The following CDC14A variants were observed in gnomAD, a reference collection of about 807,000 sequenced individuals.
CDC14A encodes dual specificity protein phosphatase CDC14A.
CDC14A carries 53 observed loss-of-function variants against 74.4 expected under a neutral mutation model. The observed-to-expected ratio is 0.71, with a 90% CI of 0.57 to 0.89. The LOEUF is 0.89. CDC14A is among the 40% of genes least tolerant of loss of function. CDC14A has a pLI of 0.00. For missense variants in CDC14A, 646 were observed against 713.7 expected (o/e 0.91, Z 1.08); for synonymous variants, 247 against 258.4 (o/e 0.96, Z 0.43).
intron 5 of CDC14A, among the ~76,000 whole-genome samples, chr1:100,430,249 TATTTTA>T (rs1663495321): frequency 1.3e-5 from 2 of 152,186 alleles, no homozygotes; most frequent in Non-Finnish European, 2.9e-5. Context: ...CAAATCATGG[TATTTTA>T]TTTAATGTGA....
chr1:100,439,005 C>G (rs754598105), intron 5 of CDC14A, among the ~76,000 whole-genome samples: 10 of 152,190 alleles, frequency 6.6e-5, no homozygotes, highest in Non-Finnish European at 1.5e-4. Flanking sequence ...TTTCCTACCT[C>G]GGACACCTTG....
At chr1:100,476,117 T>C (rs1328129244) in intron 10 of CDC14A, among the ~76,000 whole-genome samples, 2 of 152,150 alleles carry the variant, frequency 1.3e-5, no homozygotes, top group Non-Finnish European at 1.5e-5. Context: ...CTTTTCCTGT[T>C]CCTTTGACTA....
chr1:100,387,870 C>T (rs1420828620), intron 3 of CDC14A, among the ~76,000 whole-genome samples: 1 of 152,100 alleles, frequency 6.6e-6, no homozygotes, highest in Non-Finnish European at 1.5e-5. Flanking sequence ...CCCCCAACCC[C>T]CTCCAAAAAA....
chr1:100,462,950 A>G lies in CDC14A; in HGVS notation c.838+69A>G. 14 of 1,152,722 alleles carry G rather than the reference A, an allele frequency of 1.2e-5. No homozygotes were observed. In the South Asian group the frequency reaches 1.9e-4, roughly 15 times the overall value. 71.4% of individuals were successfully genotyped at this position (1,152,722 alleles called of 1,614,324 possible). ...GGCGGGCCAAGGAAGAGCAAATAAC[A>G]TAAAACAAAACCTGTTTAGTGTCTT... On this transcript the variant is annotated intron_variant, in intron 9 of 15. Transcript: ENST00000336454.
intron 4 of CDC14A, among the ~76,000 whole-genome samples, chr1:100,412,407 T>C (rs74103167): frequency 0.071 from 10,732 of 151,882 alleles, 834 homozygotes; most frequent in African/African-American, 0.19. Context: ...TCCATGGTGC[T>C]TGGTACTGGT....
chr1:100,381,768 TC>T (rs996418172), intron 3 of CDC14A, among the ~76,000 whole-genome samples: 5 of 152,136 alleles, frequency 3.3e-5, no homozygotes, highest in African/African-American at 7.2e-5. Context: ...ATAAAATGCA[TC>T]ATCACCAATA....
intron 15 of CDC14A, among the ~76,000 whole-genome samples, chr1:100,511,107 T>G (rs940225849): frequency 1.5e-4 from 23 of 152,208 alleles, no homozygotes. Context: ...TCCAGAATCT[T>G]TCATGAAGTT....
At chr1:100,392,951 G>A in intron 4 of CDC14A, 1 of 899,086 alleles carries the variant, frequency 1.1e-6, no homozygotes, top group Non-Finnish European at 1.7e-6. Flanking sequence ...GTTTTGGGAA[G>A]TTGCTGTTGT....
chr1:100,349,172 G>C (rs1366848052), upstream of CDC14A, among the ~76,000 whole-genome samples: 1 of 151,962 alleles, frequency 6.6e-6, no homozygotes, highest in Non-Finnish European at 1.5e-5. Context: ...CTCCAGCCTG[G>C]GCTACAGAGC....
chr1:100,449,686 G>A (rs77706467), intron 7 of CDC14A, among the ~76,000 whole-genome samples: 21,733 of 152,062 alleles, frequency 0.14, 1,773 homozygotes, highest in Non-Finnish European at 0.17. Flanking sequence ...CTGTATCTGC[G>A]GGTACTTTTG....
At chr1:100,429,427 T>C (rs1329985606) in intron 5 of CDC14A, among the ~76,000 whole-genome samples, 1 of 151,042 alleles carries the variant, frequency 6.6e-6, no homozygotes, top group Non-Finnish European at 1.5e-5. Flanking sequence ...CGATGTCTTA[T>C]CCCTTTAGTT....
chr1:100,369,587 T>A (rs1654148849), intron 2 of CDC14A, among the ~76,000 whole-genome samples: 1 of 152,228 alleles, frequency 6.6e-6, no homozygotes, highest in Non-Finnish European at 1.5e-5. Context: ...TATTTTTCTC[T>A]TGTTCAACTG....
Position 100,352,574 on chromosome 1 carries a change from C to T in CDC14A, c.-381C>T. ...CCGCTCGAGTAGCCACGGGCGCGAT[C>T]GGGACCAGAAGTCTCCTCCTCCATG... On this transcript the variant is annotated 5_prime_UTR_variant, in exon 1 of 16. Transcript: ENST00000336454. 1 of 1,054,320 alleles carries T rather than the reference C, an allele frequency of 9.5e-7. No homozygotes were observed. Among genetic ancestry groups the T allele is most frequent in the Non-Finnish European group, 1.1e-6 (1 of 874,670 alleles). 65.3% of individuals were successfully genotyped at this position (1,054,320 alleles called of 1,614,324 possible). A position where few individuals can be genotyped will look rare whatever the true frequency, so the allele number is the denominator to read the frequency against.
chr1:100,374,423 CA>C (rs1397392769), intron 2 of CDC14A, among the ~76,000 whole-genome samples: 1 of 152,194 alleles, frequency 6.6e-6, no homozygotes, highest in African/African-American at 2.4e-5. Flanking sequence ...GTCCCACCAA[CA>C]GTGTAAAAGT....
At chr1:100,477,176 T>G (rs1668984575) in intron 10 of CDC14A, among the ~76,000 whole-genome samples, 5 of 152,162 alleles carry the variant, frequency 3.3e-5, no homozygotes, top group Admixed American at 3.3e-4. Context: ...CAACTCCAGA[T>G]CTGTAAGAAA....
chr1:100,475,500 T>A lies in CDC14A; in HGVS notation c.977+7406T>A, dbSNP rs547257848. Reference sequence around the variant, plus strand: ...TGAGACTCTGGATCTTACTAAAACATTCTGTTGTATCTGGCTTCTTACACT... The same window carrying A: ...TGAGACTCTGGATCTTACTAAAACAATCTGTTGTATCTGGCTTCTTACACT... On this transcript the variant is annotated intron_variant, in intron 10 of 15. Coordinates refer to ENST00000336454, the MANE Select transcript of CDC14A (RefSeq NM_003672.4). 2.4e-4 allele frequency among the ~76,000 whole-genome samples: 36 copies of A among 152,340 alleles called. No homozygotes were observed. The South Asian group carries it at 5.2e-3, about 22-fold the overall frequency.
At chr1:100,388,341 G>C (rs1657164176) in intron 3 of CDC14A, among the ~76,000 whole-genome samples, 1 of 152,142 alleles carries the variant, frequency 6.6e-6, no homozygotes, top group Admixed American at 6.5e-5. Context: ...CAGACAATGA[G>C]ACAATGAAAT....
upstream of CDC14A, among the ~76,000 whole-genome samples, chr1:100,351,193 AAAAC>A (rs1646952533): frequency 6.6e-6 from 1 of 151,244 alleles, no homozygotes; most frequent in African/African-American, 2.4e-5. Flanking sequence ...GACCCTGTCT[AAAAC>A]AAAACACACA....
intron 1 of CDC14A, among the ~76,000 whole-genome samples, chr1:100,346,526 G>GGAGCCT (rs1271387429): frequency 4.6e-5 from 7 of 151,838 alleles, no homozygotes; most frequent in Non-Finnish European, 7.4e-5. Context: ...CAGCTACTCT[G>GGAGCCT]GAGCCTGAGA....
Sources: gnomAD v4.1 joint callset for allele counts (sites outside exome capture counted in the v4.1 genomes callset) on GRCh38, gnomAD v4.1.1 for gene constraint, MANE v1.5 for transcripts, NCBI Gene and HGNC (gene_info 2026-07-23, HGNC 2026-07-21) for gene names.